The following PTBP3 variants were observed in gnomAD, a reference collection of about 807,000 sequenced individuals.
The protein encoded by PTBP3 is polypyrimidine tract binding protein 3.
A neutral mutation model predicts 58.7 loss-of-function variants in PTBP3; 20 were observed. The ratio of observed to expected loss-of-function variants is 0.34; its 90% CI spans 0.24 to 0.50. The LOEUF (loss-of-function observed/expected upper bound fraction) is 0.50, where lower values mean the gene tolerates loss of function less well. PTBP3 is among the 20% of genes least tolerant of loss of function. The pLI is 0.98. For synonymous variants in PTBP3, 185 were observed against 219.8 expected (o/e 0.84, Z 1.40); for missense variants, 509 against 637.2 (o/e 0.80, Z 2.17).
intron 7 of PTBP3, among the ~76,000 whole-genome samples, chr9:112,236,349 G>A (rs1835437844): frequency 6.6e-6 from 1 of 152,088 alleles, no homozygotes; most frequent in Non-Finnish European, 1.5e-5. Context: ...CATATCATGA[G>A]CTAAGCATTC....
chr9:112,252,841 G>T, intron 5 of PTBP3, 53 bp from the exon 6 acceptor site: 1 of 1,018,722 alleles, frequency 9.8e-7, no homozygotes, highest in Non-Finnish European at 1.5e-6. Context: ...TTAAACTGAT[G>T]TATCTTTATA....
chr9:112,290,701 T>TACAC lies in PTBP3; in HGVS notation c.34+7130_34+7131insGTGT, dbSNP rs1376874308. ...AAAAAAAAAAAAATATATATATATA[T>TACAC]ATATATACACACACACACACACACA... On this transcript the variant is annotated intron_variant, in intron 2 of 13. Transcript: ENST00000374257. 1.5e-3 allele frequency among the ~76,000 whole-genome samples: 100 copies of TACAC among 64,808 alleles called. No homozygotes were observed. The East Asian group carries it at 0.019, about 13-fold the overall frequency. 42.5% of individuals were successfully genotyped at this position (64,808 alleles called of 152,430 possible). A position where few individuals can be genotyped will look rare whatever the true frequency, so the allele number is the denominator to read the frequency against.
At chr9:112,283,104 A>G (rs1223946298) in intron 2 of PTBP3, among the ~76,000 whole-genome samples, 1 of 151,872 alleles carries the variant, frequency 6.6e-6, no homozygotes, top group Non-Finnish European at 1.5e-5. Context: ...AGTCAATTAA[A>G]CCTCTTTTCT....
rs1170721357 is a variant in PTBP3, at chr9:112,290,735, C to CACACACAT, written c.34+7096_34+7097insATGTGTGT. Among the ~76,000 whole-genome samples the CACACACAT allele has an allele frequency of 5.4e-5, 8 of 148,402 alleles. 2 individuals are homozygous for CACACACAT. In the South Asian group the frequency reaches 1.5e-3, roughly 28 times the overall value. ...ACACACACACACACACACACACACACACAATCAAGTGTTGGCAAAGTTCTG... is the reference window on the plus strand; with the variant it reads ...ACACACACACACACACACACACACACACACACATACAATCAAGTGTTGGCAAAGTTCTG... On this transcript the variant is annotated intron_variant, in intron 2 of 13. Transcript: ENST00000374257.
At chr9:112,352,442 C>T in the PTBP3 span, among the ~76,000 whole-genome samples, 53 of 152,114 alleles carry the variant, frequency 3.5e-4, no homozygotes, top group African/African-American at 1.2e-3. Context: ...CACTGTTAAC[C>T]CTTCAGCCTC....
intron 1 of PTBP3, among the ~76,000 whole-genome samples, chr9:112,327,357 G>C (rs185844845): frequency 6.6e-6 from 1 of 152,008 alleles, no homozygotes; most frequent in East Asian, 1.9e-4. Context: ...TTAGGAGTTC[G>C]AGACCAGCCT....
At chr9:112,256,834 A>G (rs1795357158) in intron 5 of PTBP3, among the ~76,000 whole-genome samples, 1 of 141,428 alleles carries the variant, frequency 7.1e-6, no homozygotes, top group African/African-American at 2.7e-5. Context: ...GCAATATGTA[A>G]TTTTTTTTCC....
In PTBP3 at chr9:112,220,077, T is replaced by A; in HGVS notation, c.*3774A>T. ...CAAAGGAAAGGCTAAGAAAAATGCT[T>A]TACGCATCGTCACGCTGTCTCTTTT... On this transcript the variant is annotated 3_prime_UTR_variant, in exon 14 of 14. Transcript: ENST00000374257. The A allele has an allele frequency of 8.4e-7, 1 of 1,191,518 alleles. No individual in the cohort carries two copies. Among genetic ancestry groups the A allele is most frequent in the Non-Finnish European group, 1.1e-6 (1 of 939,806 alleles). 73.8% of individuals were successfully genotyped at this position (1,191,518 alleles called of 1,614,324 possible).
chr9:112,251,112 T>C lies in PTBP3; in HGVS notation c.628-9A>G, dbSNP rs1836097565. The C allele has an allele frequency of 1.3e-6, 2 of 1,544,034 alleles. No individual in the cohort carries two copies. Among genetic ancestry groups the C allele is most frequent in the Middle Eastern group, 1.7e-4 (1 of 5,726 alleles). ...TTCTGGCCATCCAGAGCCTAAAGCATGTAAGAAAGGGACTGGTTTTGGCAA... is the reference window on the plus strand; with the variant it reads ...TTCTGGCCATCCAGAGCCTAAAGCACGTAAGAAAGGGACTGGTTTTGGCAA... On this transcript the variant is annotated splice_polypyrimidine_tract_variant and intron_variant, in intron 6 of 13. Coordinates refer to ENST00000374257, the MANE Select transcript of PTBP3 (RefSeq NM_001163788.4).
chr9:112,274,025 G>A (rs555505724), intron 3 of PTBP3, among the ~76,000 whole-genome samples: 1 of 152,224 alleles, frequency 6.6e-6, no homozygotes, highest in South Asian at 2.1e-4. Context: ...ATGGCCATGT[G>A]GTCTCTGTTC....
chr9:112,251,936 G>A (rs1836138127), intron 6 of PTBP3, among the ~76,000 whole-genome samples: 1 of 152,022 alleles, frequency 6.6e-6, no homozygotes, highest in African/African-American at 2.4e-5. Flanking sequence ...ACACTGTGTG[G>A]TACACAAAAG....
At chr9:112,345,020 C>A in the PTBP3 span, among the ~76,000 whole-genome samples, 1 of 151,990 alleles carries the variant, frequency 6.6e-6, no homozygotes, top group Non-Finnish European at 1.5e-5. Flanking sequence ...GTAGTCCCAG[C>A]TACTCGGGAG....
At chr9:112,349,709 A>G in the PTBP3 span, among the ~76,000 whole-genome samples, 1 of 151,662 alleles carries the variant, frequency 6.6e-6, no homozygotes, top group Non-Finnish European at 1.5e-5. Flanking sequence ...AAATACAACA[A>G]TTAGTCAGGT....
the PTBP3 span, among the ~76,000 whole-genome samples, chr9:112,356,765 C>T: frequency 2.1e-5 from 3 of 144,290 alleles, no homozygotes; most frequent in Non-Finnish European, 4.5e-5. Flanking sequence ...AAGGGAAAGA[C>T]TCAAGAGGCT....
intron 7 of PTBP3, among the ~76,000 whole-genome samples, chr9:112,245,282 C>T (rs1233365800): frequency 6.6e-6 from 1 of 152,212 alleles, no homozygotes; most frequent in Non-Finnish European, 1.5e-5. Flanking sequence ...TGCATTCCAG[C>T]CTGGGCAGAG....
chr9:112,269,699 C>A (rs572842967), intron 3 of PTBP3, among the ~76,000 whole-genome samples: 1 of 152,194 alleles, frequency 6.6e-6, no homozygotes, highest in African/African-American at 2.4e-5. Flanking sequence ...ATTTTTAATT[C>A]CTGTTAATTG....
At chr9:112,332,695 A>C (rs1435842179) in intron 1 of PTBP3, 1 of 1,505,340 alleles carries the variant, frequency 6.6e-7, no homozygotes, top group Non-Finnish European at 9.0e-7. Flanking sequence ...ATAGACTCTA[A>C]ATCTTTTTAT....
chr9:112,325,215 A>G lies in PTBP3; in HGVS notation c.-52+8255T>C, dbSNP rs578245416. Among the ~76,000 whole-genome samples, 3 of 152,380 alleles carry G rather than the reference A, an allele frequency of 2.0e-5. No individual in the cohort carries two copies. In the East Asian group the frequency reaches 5.8e-4, roughly 29 times the overall value. ...GAACCTTCGACCTGCCCAGGTCATC[A>G]TGCACAGGAGGCTTGCCTAAATACG... On this transcript the variant is annotated intron_variant, in intron 1 of 13. Transcript: ENST00000374257.
intron 1 of PTBP3, among the ~76,000 whole-genome samples, chr9:112,315,044 G>A (rs544980735): frequency 7.3e-4 from 111 of 152,160 alleles, no homozygotes; most frequent in African/African-American, 2.4e-3. Context: ...TGTTAGCCAG[G>A]ATGGTCTCGA....
Sources: allele counts gnomAD v4.1 joint callset (sites outside exome capture counted in the v4.1 genomes callset), GRCh38; gene constraint gnomAD v4.1.1; transcripts MANE v1.5; gene names NCBI Gene and HGNC (gene_info 2026-07-23, HGNC 2026-07-21).